The following GRM8 variants were observed in gnomAD, a reference collection of about 807,000 sequenced individuals.
GRM8 encodes metabotropic glutamate receptor 8.
In GRM8, 47 loss-of-function variants were observed where a neutral mutation model predicts 87.2. That is an observed-to-expected ratio of 0.54 (90% confidence interval 0.43 to 0.69). The LOEUF (loss-of-function observed/expected upper bound fraction) is 0.69, where lower values mean the gene tolerates loss of function less well. Ranked by LOEUF, GRM8 falls within the 30% of genes least tolerant of loss-of-function variation. The pLI is 0.00. For missense variants in GRM8, 1,019 were observed against 1,139.2 expected (o/e 0.89, Z 1.52); for synonymous variants, 396 against 404.5 (o/e 0.98, Z 0.25).
chr7:127,232,181 CTT>C (rs1491471576), intron 2 of GRM8, among the ~76,000 whole-genome samples: 95 of 103,512 alleles, frequency 9.2e-4, no homozygotes, highest in Admixed American at 3.9e-3. Flanking sequence ...TCTGTTTCTT[CTT>C]TGTGTGTGTG....
chr7:127,203,511 T>C (rs1025088584), intron 2 of GRM8, among the ~76,000 whole-genome samples: 1 of 152,066 alleles, frequency 6.6e-6, no homozygotes, highest in Non-Finnish European at 1.5e-5. Flanking sequence ...AGTTTGAGAC[T>C]CACCTGGCCA....
chr7:126,779,650 T>C (rs1411810721), intron 6 of GRM8, among the ~76,000 whole-genome samples: 2 of 152,196 alleles, frequency 1.3e-5, no homozygotes, highest in Non-Finnish European at 2.9e-5. Context: ...AATAAAGATA[T>C]GTCACTTGCA....
intron 3 of GRM8, among the ~76,000 whole-genome samples, chr7:127,086,972 A>G (rs1823573224): frequency 6.6e-6 from 1 of 152,216 alleles, no homozygotes. Context: ...CGATGCCAAA[A>G]GCTGGGGAGA....
intron 2 of GRM8, among the ~76,000 whole-genome samples, chr7:127,226,895 A>T (rs1355403203): frequency 6.6e-6 from 1 of 152,170 alleles, no homozygotes; most frequent in Non-Finnish European, 1.5e-5. Context: ...GCTGATGTTT[A>T]TTGTATTAGT....
chr7:127,025,691 T>G lies in GRM8; in HGVS notation c.727+80805A>C, dbSNP rs560715582. Among the ~76,000 whole-genome samples, 4 of 152,208 alleles carry G rather than the reference T, an allele frequency of 2.6e-5. No homozygotes were observed. In the South Asian group the frequency reaches 8.3e-4, roughly 32 times the overall value. ...GTGTACCACTCACTGGAAGTCAATA[T>G]CCTGTCCAGAGACAGTCCACAAGGG... On this transcript the variant is annotated intron_variant, in intron 3 of 10. Transcript: ENST00000339582.
chr7:126,743,517 C>T (rs1248729706), intron 7 of GRM8, among the ~76,000 whole-genome samples: 1 of 151,962 alleles, frequency 6.6e-6, no homozygotes, highest in Admixed American at 6.6e-5. Flanking sequence ...AGAATATGCA[C>T]CTGGAGCGAA....
intron 6 of GRM8, among the ~76,000 whole-genome samples, chr7:126,900,832 A>G (rs929417731): frequency 5.9e-5 from 9 of 151,996 alleles, no homozygotes; most frequent in African/African-American, 1.9e-4. Flanking sequence ...TTCTTAGACC[A>G]TGATGGCCTG....
At chr7:127,205,781 C>T (rs187701852) in intron 2 of GRM8, among the ~76,000 whole-genome samples, 65 of 152,262 alleles carry the variant, frequency 4.3e-4, no homozygotes, top group Non-Finnish European at 8.5e-4. Flanking sequence ...TTCACAAACA[C>T]GACTTTTTCC....
At chr7:126,842,882 C>T (rs1201137534) in intron 6 of GRM8, among the ~76,000 whole-genome samples, 2 of 152,212 alleles carry the variant, frequency 1.3e-5, no homozygotes, top group Non-Finnish European at 1.5e-5. Flanking sequence ...CTCTAAACTC[C>T]GGAACTGTAA....
intron 7 of GRM8, among the ~76,000 whole-genome samples, chr7:126,675,163 T>C (rs1454583790): frequency 6.6e-6 from 1 of 152,032 alleles, no homozygotes; most frequent in East Asian, 1.9e-4. Flanking sequence ...AACCAAACAT[T>C]AGCAACATTT....
chr7:126,719,049 G>A (rs1812080623), intron 7 of GRM8, among the ~76,000 whole-genome samples: 1 of 152,142 alleles, frequency 6.6e-6, no homozygotes, highest in Non-Finnish European at 1.5e-5. Context: ...AAACACATGT[G>A]AGTTCAATTC....
At chr7:126,861,385 T>C (rs1798122405) in intron 6 of GRM8, among the ~76,000 whole-genome samples, 1 of 152,074 alleles carries the variant, frequency 6.6e-6, no homozygotes, top group Non-Finnish European at 1.5e-5. Context: ...AATGCAGCTA[T>C]TAACATCCAT....
intron 2 of GRM8, among the ~76,000 whole-genome samples, chr7:127,179,782 A>T (rs1191734190): frequency 1.3e-5 from 2 of 152,130 alleles, no homozygotes; most frequent in African/African-American, 4.8e-5. Context: ...GATGGAAATT[A>T]AAAAATTATT....
intron 2 of GRM8, among the ~76,000 whole-genome samples, chr7:127,146,408 C>T (rs1435504825): frequency 6.6e-6 from 1 of 151,892 alleles, no homozygotes. Flanking sequence ...TGAAGAGACT[C>T]ACAACTGCTC....
chr7:127,082,811 G>C (rs1823010123), intron 3 of GRM8, among the ~76,000 whole-genome samples: 1 of 152,194 alleles, frequency 6.6e-6, no homozygotes, highest in Non-Finnish European at 1.5e-5. Context: ...AGGAAGTCAA[G>C]AACATTGTTA....
At chr7:126,992,620 T>C (rs1812766840) in intron 3 of GRM8, among the ~76,000 whole-genome samples, 1 of 152,126 alleles carries the variant, frequency 6.6e-6, no homozygotes, top group Admixed American at 6.5e-5. Context: ...AATAAGGATA[T>C]TTCTATGGAG....
chr7:126,584,614 G>C (rs1398121452), intron 8 of GRM8, among the ~76,000 whole-genome samples: 1 of 152,140 alleles, frequency 6.6e-6, no homozygotes, highest in Non-Finnish European at 1.5e-5. Flanking sequence ...TAGCTCATTT[G>C]TGGTCTGCTC....
chr7:126,861,393 C>G (rs959621079), intron 6 of GRM8, among the ~76,000 whole-genome samples: 17 of 151,900 alleles, frequency 1.1e-4, no homozygotes, highest in Non-Finnish European at 4.4e-5. Flanking sequence ...TATTAACATC[C>G]ATGGCACATA....
intron 8 of GRM8, among the ~76,000 whole-genome samples, chr7:126,588,076 G>T (rs1246383536): frequency 2.6e-5 from 4 of 152,106 alleles, no homozygotes; most frequent in African/African-American, 9.7e-5. Flanking sequence ...GCTTCATCTA[G>T]AACTCATATC....
Sources: allele counts gnomAD v4.1 joint callset (sites outside exome capture counted in the v4.1 genomes callset), GRCh38; gene constraint gnomAD v4.1.1; transcripts MANE v1.5; gene names NCBI Gene and HGNC (gene_info 2026-07-23, HGNC 2026-07-21).